The following SPOCK3 variants were observed in gnomAD, a reference collection of about 807,000 sequenced individuals.
SPOCK3 encodes the protein testican-3.
SPOCK3 carries 30 observed loss-of-function variants against 56.6 expected under a neutral mutation model. The ratio of observed to expected loss-of-function variants is 0.53; its 90% CI spans 0.40 to 0.72. SPOCK3 has a LOEUF of 0.72. Among genes scored for constraint, SPOCK3 ranks in the 30% least tolerant of loss-of-function variants. SPOCK3 has a pLI of 0.00. For missense variants in SPOCK3, 527 were observed against 530.0 expected (o/e 0.99, Z 0.06); for synonymous variants, 196 against 183.3 (o/e 1.07, Z -0.56).
chr4:166,895,973 C>T (rs547290838), intron 5 of SPOCK3, among the ~76,000 whole-genome samples: 1 of 152,190 alleles, frequency 6.6e-6, no homozygotes, highest in Admixed American at 6.5e-5. Flanking sequence ...TGACTCACTT[C>T]AAGAAAATGT....
At chr4:166,885,856 A>AT (rs1186742254) in intron 6 of SPOCK3, among the ~76,000 whole-genome samples, 1 of 152,186 alleles carries the variant, frequency 6.6e-6, no homozygotes, top group East Asian at 1.9e-4. Context: ...CAAACAGAAA[A>AT]TGTTAATTAA....
At chr4:166,962,221 A>T (rs1370562621) in intron 4 of SPOCK3, among the ~76,000 whole-genome samples, 1 of 152,134 alleles carries the variant, frequency 6.6e-6, no homozygotes, top group East Asian at 1.9e-4. Flanking sequence ...TTTGACATGT[A>T]AGATATTCAC....
intron 5 of SPOCK3, among the ~76,000 whole-genome samples, chr4:166,899,250 C>CTATG: frequency 1.0e-5 from 1 of 100,114 alleles, no homozygotes; most frequent in East Asian, 3.7e-4. Context: ...TCATATCTAT[C>CTATG]TATCTATCTA....
intron 4 of SPOCK3, among the ~76,000 whole-genome samples, chr4:166,971,365 A>G (rs1307348463): frequency 6.6e-6 from 1 of 152,196 alleles, no homozygotes; most frequent in East Asian, 1.9e-4. Context: ...TGACTCTTTT[A>G]GAAGGCAAAC....
At chr4:166,928,329 C>T (rs183713906) in intron 4 of SPOCK3, among the ~76,000 whole-genome samples, 1 of 152,192 alleles carries the variant, frequency 6.6e-6, no homozygotes, top group Non-Finnish European at 1.5e-5. Flanking sequence ...GCAAGCAACA[C>T]GTCCTTCAGT....
At chr4:166,870,828 C>T (rs773025755) in intron 6 of SPOCK3, among the ~76,000 whole-genome samples, 17 of 151,990 alleles carry the variant, frequency 1.1e-4, no homozygotes, top group Admixed American at 7.9e-4. Context: ...TCCCACATGT[C>T]GAGGGAGGGA....
At chr4:166,761,545 C>T (rs1214201428) in intron 7 of SPOCK3, among the ~76,000 whole-genome samples, 1 of 2,994 alleles carries the variant, frequency 3.3e-4, no homozygotes, top group Non-Finnish European at 6.3e-4. Context: ...CACATATACA[C>T]CATGGAATAC....
At chr4:166,851,228 G>A (rs1370508922) in intron 6 of SPOCK3, among the ~76,000 whole-genome samples, 2 of 152,068 alleles carry the variant, frequency 1.3e-5, no homozygotes, top group Non-Finnish European at 2.9e-5. Context: ...CACACGGCCG[G>A]GTACTCCAAC....
intron 2 of SPOCK3, among the ~76,000 whole-genome samples, chr4:167,096,969 T>C (rs1347529617): frequency 6.6e-6 from 1 of 151,864 alleles, no homozygotes; most frequent in African/African-American, 2.4e-5. Flanking sequence ...AGTATTGTTA[T>C]GTCTTCTTAG....
chr4:166,990,568 C>G (rs1747676578), intron 4 of SPOCK3, among the ~76,000 whole-genome samples: 2 of 151,890 alleles, frequency 1.3e-5, no homozygotes, highest in Non-Finnish European at 2.9e-5. Context: ...AGATTTTATA[C>G]AAAGTTTAAA....
chr4:166,977,050 A>C (rs1746027607), intron 4 of SPOCK3, among the ~76,000 whole-genome samples: 1 of 152,068 alleles, frequency 6.6e-6, no homozygotes, highest in Non-Finnish European at 1.5e-5. Flanking sequence ...CTTATTTTGA[A>C]ACTTGTATTT....
intron 6 of SPOCK3, among the ~76,000 whole-genome samples, chr4:166,865,992 A>G (rs1295123255): frequency 6.6e-6 from 1 of 152,172 alleles, no homozygotes; most frequent in Non-Finnish European, 1.5e-5. Flanking sequence ...AAACAAAAGA[A>G]CAAAGCTGGA....
Position 166,942,034 on chromosome 4 carries a change from T to TA in SPOCK3, c.351-29292dup, listed in dbSNP as rs199853811. Among the ~76,000 whole-genome samples the TA allele has an allele frequency of 4.2e-3, 628 of 151,312 alleles. 6 individuals carry two copies. Among genetic ancestry groups the TA allele is most frequent in the Non-Finnish European group, 3.4e-3 (232 of 67,950 alleles). ...TTTCCAGTAATTTGTTATACAGAAA[T>TA]AAAAAAAACTGTTATAATGCCATTT... On this transcript the variant is annotated intron_variant, in intron 4 of 10. Coordinates refer to ENST00000357545, the MANE Select transcript of SPOCK3 (RefSeq NM_001040159.2).
chr4:167,064,805 G>A lies in SPOCK3; in HGVS notation c.190-2268C>T, dbSNP rs570204177. Among the ~76,000 whole-genome samples the A allele has an allele frequency of 4.6e-5, 7 of 151,708 alleles. No homozygotes were observed. In the South Asian group the frequency reaches 1.2e-3, roughly 27 times the overall value. ...AAAATAATATCTACCTATTTGAGGG[G>A]GAGATATTGGGATTAGTTATCAAAT... is the stretch of plus-strand genomic sequence containing the variant. On this transcript the variant is annotated intron_variant, in intron 2 of 10. Transcript: ENST00000357545.
chr4:167,119,347 A>C (rs893474103), intron 2 of SPOCK3, among the ~76,000 whole-genome samples: 2 of 152,124 alleles, frequency 1.3e-5, no homozygotes, highest in African/African-American at 4.8e-5. Context: ...GAAAGGATGG[A>C]GTGAGGATAT....
At chr4:167,227,795 G>A (rs2111156169) in intron 2 of SPOCK3, among the ~76,000 whole-genome samples, 2 of 152,270 alleles carry the variant, frequency 1.3e-5, no homozygotes, top group Middle Eastern at 6.8e-3. Context: ...AACATAAAAT[G>A]TCACTCTGAG....
In SPOCK3 at chr4:167,077,780, A is replaced by G. The variant is rs139644317; in HGVS notation, c.190-15243T>C. Among the ~76,000 whole-genome samples, 348 of 152,044 alleles carry G rather than the reference A, an allele frequency of 2.3e-3. 1 individual carries two copies. The highest frequency in any genetic ancestry group is 4.0e-3 in the Non-Finnish European group (272 of 67,916). ...TGGTAACCATTGTAATGTATTTTGT[A>G]TATTTAATTTCATTATTTATTGCAC... On this transcript the variant is annotated intron_variant, in intron 2 of 10. Transcript: ENST00000357545.
chr4:166,880,388 T>G (rs913397165), intron 6 of SPOCK3, among the ~76,000 whole-genome samples: 1 of 152,192 alleles, frequency 6.6e-6, no homozygotes, highest in East Asian at 1.9e-4. Flanking sequence ...GACCCATGCA[T>G]GTATAGTCTT....
intron 2 of SPOCK3, among the ~76,000 whole-genome samples, chr4:167,230,810 G>A (rs947310625): frequency 1.3e-5 from 2 of 151,932 alleles, no homozygotes; most frequent in African/African-American, 2.4e-5. Context: ...ATTAAGCATC[G>A]TACACTCCAA....
Sources: gnomAD v4.1 joint callset for allele counts (sites outside exome capture counted in the v4.1 genomes callset) on GRCh38, gnomAD v4.1.1 for gene constraint, MANE v1.5 for transcripts, NCBI Gene and HGNC (gene_info 2026-07-23, HGNC 2026-07-21) for gene names.